CARMIL1: variants seen among roughly 807,000 people sequenced by gnomAD.
The protein encoded by CARMIL1 is F-actin-uncapping protein LRRC16A.
In CARMIL1, 90 loss-of-function variants were observed where a neutral mutation model predicts 177.1. The observed-to-expected ratio is 0.51, with a 90% CI of 0.43 to 0.61. CARMIL1 has a LOEUF of 0.61. CARMIL1 is among the 20% of genes least tolerant of loss of function. CARMIL1 has a pLI of 0.00. For missense variants in CARMIL1, 1,380 were observed against 1,667.0 expected (o/e 0.83, Z 3.00); for synonymous variants, 577 against 606.2 (o/e 0.95, Z 0.71).
chr6:25,589,099 G>C (rs190350895), intron 31 of CARMIL1, among the ~76,000 whole-genome samples: 7 of 152,106 alleles, frequency 4.6e-5, no homozygotes, highest in Admixed American at 2.6e-4. Flanking sequence ...ATCTTGTTCA[G>C]CCCCTCATCT....
intron 2 of CARMIL1, among the ~76,000 whole-genome samples, chr6:25,403,081 G>GTTTT (rs71969807): frequency 7.0e-6 from 1 of 142,948 alleles, no homozygotes; most frequent in Non-Finnish European, 1.5e-5. Context: ...TCCATAAAGA[G>GTTTT]TTTTTTTTTT....
chr6:25,510,986 C>T (rs991062225), intron 20 of CARMIL1, among the ~76,000 whole-genome samples: 1 of 152,026 alleles, frequency 6.6e-6, no homozygotes, highest in African/African-American at 2.4e-5. Context: ...GGAAGATTGT[C>T]ACTAATAGAT....
At chr6:25,353,537 G>A (rs1427495960) in intron 2 of CARMIL1, among the ~76,000 whole-genome samples, 1 of 152,204 alleles carries the variant, frequency 6.6e-6, no homozygotes, top group Admixed American at 6.5e-5. Context: ...TAGGCTGCAT[G>A]TTATGTGCTC....
At position 25,413,400 on chromosome 6, in the gene CARMIL1, C is replaced by T. The variant is rs562304923; in HGVS notation, c.139-6714C>T. The stretch of plus-strand genomic sequence containing the variant: ...TAGAGAGCATGAATTTATGGATTGC[C>T]TGTGCTGCAGTAGGCTTTAGGCCAT... On this transcript the variant is annotated intron_variant, in intron 2 of 36. Coordinates refer to ENST00000329474, the MANE Select transcript of CARMIL1 (RefSeq NM_017640.6). 3.3e-5 allele frequency among the ~76,000 whole-genome samples: 5 copies of T among 152,276 alleles called. No individual in the cohort carries two copies. In the South Asian group the frequency reaches 1.0e-3, roughly 32 times the overall value.
chr6:25,386,847 G>A (rs1466410032), intron 2 of CARMIL1, among the ~76,000 whole-genome samples: 1 of 151,944 alleles, frequency 6.6e-6, no homozygotes, highest in African/African-American at 2.4e-5. Flanking sequence ...ACATCATGAG[G>A]CCGGCTGTGG....
chr6:25,404,394 C>T (rs900130565), intron 2 of CARMIL1, among the ~76,000 whole-genome samples: 3 of 152,110 alleles, frequency 2.0e-5, no homozygotes, highest in East Asian at 1.9e-4. Context: ...TTTGTTTGAA[C>T]GGGGTAGGGA....
At chr6:25,596,399 A>G (rs920199744) in intron 32 of CARMIL1, among the ~76,000 whole-genome samples, 1 of 152,174 alleles carries the variant, frequency 6.6e-6, no homozygotes, top group African/African-American at 2.4e-5. Flanking sequence ...TTGAAAATCA[A>G]AGTTATAAAT....
intron 2 of CARMIL1, among the ~76,000 whole-genome samples, chr6:25,330,665 C>A (rs9379756): frequency 2.8e-5 from 4 of 144,742 alleles, no homozygotes; most frequent in Non-Finnish European, 6.0e-5. Flanking sequence ...CATAGTGAGA[C>A]GCACCCCCCC....
chr6:25,298,811 A>G (rs1019995407), intron 2 of CARMIL1, among the ~76,000 whole-genome samples: 3 of 150,072 alleles, frequency 2.0e-5, no homozygotes, highest in Admixed American at 2.0e-4. Context: ...CTGGAGTGCA[A>G]TGGCGCGATC....
At chr6:25,482,029 T>C (rs1430562996) in intron 11 of CARMIL1, among the ~76,000 whole-genome samples, 3 of 152,210 alleles carry the variant, frequency 2.0e-5, no homozygotes, top group Non-Finnish European at 2.9e-5. Flanking sequence ...AATGGAAAAG[T>C]TTCAGATATT....
At chr6:25,535,420 G>A (rs769930071) in intron 24 of CARMIL1, among the ~76,000 whole-genome samples, 27 of 152,292 alleles carry the variant, frequency 1.8e-4, no homozygotes, top group Middle Eastern at 3.4e-3. Flanking sequence ...TGTTCTCAAG[G>A]GGAAGATATG....
intron 2 of CARMIL1, among the ~76,000 whole-genome samples, chr6:25,319,561 TATGTTTTTTA>T (rs1784527834): frequency 6.6e-6 from 1 of 152,046 alleles, no homozygotes; most frequent in Non-Finnish European, 1.5e-5. Context: ...CAGAGAGTTA[TATGTTTTTTA>T]GTCTAACTGC....
rs756214673 is a variant in CARMIL1, at chr6:25,380,464, G to C, written c.139-39650G>C. On this transcript the variant is annotated intron_variant, in intron 2 of 36. Coordinates refer to ENST00000329474, the MANE Select transcript of CARMIL1 (RefSeq NM_017640.6). ...GACAGTGGGTCAGATTTGGCTCTCTGGAGTGGTTTGCTGACCCTTGCCGTC... is the reference window on the plus strand; with the variant it reads ...GACAGTGGGTCAGATTTGGCTCTCTCGAGTGGTTTGCTGACCCTTGCCGTC... 2.6e-5 allele frequency among the ~76,000 whole-genome samples: 4 copies of C among 152,172 alleles called. No homozygotes were observed. In the South Asian group the frequency reaches 8.3e-4, roughly 32 times the overall value.
At chr6:25,607,718 G>T (rs1002221422) in intron 35 of CARMIL1, among the ~76,000 whole-genome samples, 30 of 152,164 alleles carry the variant, frequency 2.0e-4, no homozygotes, top group African/African-American at 7.0e-4. Context: ...TCCACTTGTG[G>T]TTCTTTCCCA....
chr6:25,493,584 T>A (rs183227611), intron 15 of CARMIL1, among the ~76,000 whole-genome samples: 32 of 152,286 alleles, frequency 2.1e-4, no homozygotes, highest in African/African-American at 7.2e-4. Context: ...CACAGTCATA[T>A]AGCAGAGAAA....
chr6:25,473,875 C>T (rs947087475), intron 11 of CARMIL1, among the ~76,000 whole-genome samples: 7 of 152,012 alleles, frequency 4.6e-5, no homozygotes, highest in East Asian at 1.9e-4. Context: ...CTGTAGTTCA[C>T]GAAGAGTCAG....
At position 25,515,977 on chromosome 6, in the gene CARMIL1, C is replaced by CA; in HGVS notation, c.1805+132dup. ...AGGCCATCTTGAGGAGAAGAGGTGACAATGTCAAGATTTCTGTCAGAATAA... is the reference window on the plus strand; with the variant it reads ...AGGCCATCTTGAGGAGAAGAGGTGACAAATGTCAAGATTTCTGTCAGAATAA... On this transcript the variant is annotated intron_variant, in intron 21 of 36. Coordinates refer to ENST00000329474, the MANE Select transcript of CARMIL1 (RefSeq NM_017640.6). The surrounding 1 kb of genome is among the most constrained non-coding windows in gnomAD (Gnocchi z 5.0). 1 of 857,998 alleles carries CA rather than the reference C, an allele frequency of 1.2e-6. No homozygotes were observed. The highest frequency in any genetic ancestry group is 1.7e-6 in the Non-Finnish European group (1 of 577,056). 53.1% of individuals were successfully genotyped at this position (857,998 alleles called of 1,614,324 possible). A position where few individuals can be genotyped will look rare whatever the true frequency, so the allele number is the denominator to read the frequency against.
rs142694574 is a variant in CARMIL1 at position 25,504,802 on chromosome 6, G to A, written c.1395+4567G>A. ...TGGGAGGCAAAAGAGTGAGCCAAGC[G>A]TGAGCACTTTGGAATCAAAAGGCCC... On this transcript the variant is annotated intron_variant, in intron 17 of 36. Coordinates refer to ENST00000329474, the MANE Select transcript of CARMIL1 (RefSeq NM_017640.6). 2.2e-4 allele frequency among the ~76,000 whole-genome samples: 34 copies of A among 152,276 alleles called. No individual in the cohort carries two copies. The East Asian group carries it at 4.8e-3, about 22-fold the overall frequency.
At chr6:25,366,277 A>G (rs148499148) in intron 2 of CARMIL1, among the ~76,000 whole-genome samples, 3 of 152,198 alleles carry the variant, frequency 2.0e-5, no homozygotes, top group South Asian at 4.1e-4. Flanking sequence ...GATTACAGGC[A>G]TGAGCCACCA....
Sources: gnomAD v4.1 joint callset for allele counts (sites outside exome capture counted in the v4.1 genomes callset) on GRCh38, gnomAD v4.1.1 for gene constraint, Gnocchi (gnomAD v3.1) non-coding constraint, MANE v1.5 for transcripts, NCBI Gene and HGNC (gene_info 2026-07-23, HGNC 2026-07-21) for gene names.